KDM4A: variants seen among roughly 807,000 people sequenced by gnomAD.
The protein encoded by KDM4A is lysine demethylase 4A, also known as lysine-specific demethylase 4A.
A neutral mutation model predicts 127.1 loss-of-function variants in KDM4A; 23 were observed. That is an observed-to-expected ratio of 0.18 (90% confidence interval 0.13 to 0.26). The LOEUF is 0.26. Among genes scored for constraint, KDM4A ranks in the 10% least tolerant of loss-of-function variants. KDM4A has a pLI of 1.00. For missense variants in KDM4A, 890 were observed against 1,329.1 expected, an observed-to-expected ratio of 0.67 and a Z score of 5.14; for synonymous variants, 443 against 466.5, an observed-to-expected ratio of 0.95 and a Z score of 0.65.
Position 43,683,690 on chromosome 1 carries a change from G to C in KDM4A, c.1741G>C (p.Asp581His). 6.2e-7 allele frequency: 1 copy of C among 1,613,348 alleles called. No individual in the cohort carries two copies. Among genetic ancestry groups the C allele is most frequent in the Non-Finnish European group, 8.5e-7 (1 of 1,179,706 alleles). The change falls in exon 12 of 22, where the codon GAT becomes CAT. Residue 581 changes from aspartate to histidine, a missense_variant. Asp to His is a moderately conservative substitution (Grantham distance 81). This residue lies in a region of KDM4A where 389 missense variants were observed against 485.9 expected (regional missense o/e 0.80). Transcript: ENST00000372396. ...TTTCTTGTGGTTTGCCCAGGTTGCA[G>C]ATGAATACATGTTTTCCCTAGAAGA... The part of the protein sequence containing the change: ...FSERELAEVA[D>H]EYMFSLEENK...
In KDM4A at chr1:43,693,915, C is replaced by A; in HGVS notation, c.2376-79C>A. 2.6e-6 allele frequency: 3 copies of A among 1,134,882 alleles called. No homozygotes were observed. Among genetic ancestry groups the A allele is most frequent in the Non-Finnish European group, 3.9e-6 (3 of 760,504 alleles). 70.3% of individuals were successfully genotyped at this position (1,134,882 alleles called of 1,614,324 possible). On this transcript the variant is annotated intron_variant, in intron 16 of 21. Transcript: ENST00000372396. This position sits in a 1 kb window ranked among gnomAD's most constrained non-coding sequence, Gnocchi z 4.2. ...GTGGTCACCCAGGTGAGGGAGGAAG[C>A]GCTGTCAGCAGGCCCAAAAGAGAAG...
At chr1:43,662,790 T>C (rs923378911) in intron 4 of KDM4A, 104 bp from the exon 5 acceptor site, 2 of 938,666 alleles carry the variant, frequency 2.1e-6, no homozygotes, top group African/African-American at 3.3e-5. Context: ...TTCCCAATGT[T>C]TGTCAGAGAT....
intron 7 of KDM4A, 105 bp from the exon 8 acceptor site, chr1:43,666,849 A>C: frequency 8.5e-7 from 1 of 1,180,192 alleles, no homozygotes; most frequent in Non-Finnish European, 1.2e-6. Flanking sequence ...CAGGGGTTTT[A>C]TGACTTACCC....
chr1:43,703,025 C>G (rs1436776975), intron 19 of KDM4A, among the ~76,000 whole-genome samples: 1 of 151,710 alleles, frequency 6.6e-6, no homozygotes, highest in Non-Finnish European at 1.5e-5. Flanking sequence ...TCTCTGCAAG[C>G]TCCGCCTCCT....
At chr1:43,663,779 A>G (rs971402958) in intron 5 of KDM4A, among the ~76,000 whole-genome samples, 2 of 151,754 alleles carry the variant, frequency 1.3e-5, no homozygotes, top group African/African-American at 2.4e-5. Context: ...GTGCACCACT[A>G]TGCCCAGCTA....
chr1:43,687,452 A>C (rs925634273), intron 12 of KDM4A, among the ~76,000 whole-genome samples: 1 of 152,166 alleles, frequency 6.6e-6, no homozygotes, highest in Non-Finnish European at 1.5e-5. Context: ...TCAAAGCGAG[A>C]TGCATGGATC....
At position 43,671,574 on chromosome 1, in the gene KDM4A, A is replaced by C. The variant is rs763357725; in HGVS notation, c.1433A>C (p.Glu478Ala). The change falls in exon 11 of 22, where the codon GAG becomes GCG. Residue 478 changes from glutamate to alanine, a missense_variant. By Grantham distance (107) the Glu-to-Ala change is moderately radical (BLOSUM62 -1). Around this residue, in one of 7 missense-constraint regions of KDM4A, gnomAD observed 389 missense variants for 485.9 expected, o/e 0.80. Coordinates refer to ENST00000372396, the MANE Select transcript of KDM4A (RefSeq NM_014663.3). ...KNVKLEEEDE[E>A]EEQAAAALDL... ...GTCAAACTAGAAGAGGAGGATGAGG[A>C]GGAAGAACAAGCAGCAGCTGCCTTG... 1.2e-6 allele frequency: 2 copies of C among 1,607,816 alleles called. No individual in the cohort carries two copies. Among genetic ancestry groups the C allele is most frequent in the South Asian group, 2.2e-5 (2 of 90,034 alleles).
chr1:43,674,727 C>T (rs1178728872), intron 11 of KDM4A, among the ~76,000 whole-genome samples: 1 of 152,008 alleles, frequency 6.6e-6, no homozygotes. Flanking sequence ...ACCATGTTGG[C>T]CAGGCTGGTC....
rs769161965 is a variant in KDM4A, at chr1:43,703,613, T to G, written c.2842-4T>G. 19 of 1,613,724 alleles carry G rather than the reference T, an allele frequency of 1.2e-5. No homozygotes were observed. Among genetic ancestry groups the G allele is most frequent in the Non-Finnish European group, 1.6e-5 (19 of 1,179,884 alleles). ...TTCACCCTCCTTCCTTCCTGTTTCC[T>G]CAGAGCCAGGACTGTCTCCAGTTTG... On this transcript the variant is annotated splice_polypyrimidine_tract_variant and splice_region_variant and intron_variant, in intron 19 of 21. Coordinates refer to ENST00000372396, the MANE Select transcript of KDM4A (RefSeq NM_014663.3).
rs192674268 is a variant in KDM4A at position 43,676,402 on chromosome 1, A to C, written c.1734+4527A>C. On this transcript the variant is annotated intron_variant, in intron 11 of 21. Coordinates refer to ENST00000372396, the MANE Select transcript of KDM4A (RefSeq NM_014663.3). ...AGTGGCATGATCTCGGCTCACTGCA[A>C]CCTCCACCTCCTGGCTTTAAGCAAT... Among the ~76,000 whole-genome samples the C allele has an allele frequency of 3.1e-3, 466 of 151,968 alleles. 4 individuals are homozygous for C. The highest frequency in any genetic ancestry group is 0.011 in the African/African-American group (444 of 41,460).
chr1:43,701,267 A>G (rs957552718), intron 19 of KDM4A, among the ~76,000 whole-genome samples: 1 of 152,158 alleles, frequency 6.6e-6, no homozygotes, highest in Non-Finnish European at 1.5e-5. Context: ...TAATCAAAAA[A>G]CTTGGAATTT....
chr1:43,653,357 G>A, intron 2 of KDM4A, 44 bp downstream of exon 2: 2 of 1,533,778 alleles, frequency 1.3e-6, no homozygotes, highest in Non-Finnish European at 8.8e-7. Context: ...ACCTAGGGCA[G>A]AGCAGTAAGA....
At chr1:43,663,420 A>T (rs1033267248) in intron 5 of KDM4A, among the ~76,000 whole-genome samples, 1 of 152,134 alleles carries the variant, frequency 6.6e-6, no homozygotes, top group African/African-American at 2.4e-5. Flanking sequence ...CCAAGACTAG[A>T]GTCACTCTCT....
At position 43,703,601 on chromosome 1, in the gene KDM4A, C is replaced by T. The variant is rs1325926768; in HGVS notation, c.2842-16C>T. The T allele has an allele frequency of 2.4e-5, 39 of 1,613,280 alleles. No homozygotes were observed. The highest frequency in any genetic ancestry group is 3.1e-5 in the Non-Finnish European group (37 of 1,179,690). On this transcript the variant is annotated splice_polypyrimidine_tract_variant and intron_variant, in intron 19 of 21. Coordinates refer to ENST00000372396, the MANE Select transcript of KDM4A (RefSeq NM_014663.3). ...GTGGACGTTCCTTTCACCCTCCTTCCTTCCTGTTTCCTCAGAGCCAGGACT... is the reference window on the plus strand; with the variant it reads ...GTGGACGTTCCTTTCACCCTCCTTCTTTCCTGTTTCCTCAGAGCCAGGACT...
chr1:43,669,800 C>T (rs1345804217), intron 10 of KDM4A, among the ~76,000 whole-genome samples: 1 of 152,052 alleles, frequency 6.6e-6, no homozygotes, highest in East Asian at 1.9e-4. Context: ...AGGTGCCTGC[C>T]ACCATGCCTG....
In KDM4A at chr1:43,704,549, C is replaced by T. The variant is rs918407771; in HGVS notation, c.*179C>T. 1.9e-5 allele frequency: 13 copies of T among 670,218 alleles called. No individual in the cohort carries two copies. The highest frequency in any genetic ancestry group is 2.7e-5 in the Non-Finnish European group (11 of 410,642). 41.5% of individuals were successfully genotyped at this position (670,218 alleles called of 1,614,324 possible). ...ATTGCATTCCGCTGTAGTGAAAGGA[C>T]GAGCCATTTCTGGGCACGTGGCAGC... is the stretch of plus-strand genomic sequence containing the variant. On this transcript the variant is annotated 3_prime_UTR_variant, in exon 22 of 22. Coordinates refer to ENST00000372396, the MANE Select transcript of KDM4A (RefSeq NM_014663.3).
intron 19 of KDM4A, among the ~76,000 whole-genome samples, chr1:43,700,309 T>A (rs1442518855): frequency 6.6e-6 from 1 of 151,568 alleles, no homozygotes; most frequent in Non-Finnish European, 1.5e-5. Context: ...TTTAATTTTT[T>A]GTAGAGATGG....
At chr1:43,651,002 G>T (rs967337273) in intron 1 of KDM4A, among the ~76,000 whole-genome samples, 3 of 152,156 alleles carry the variant, frequency 2.0e-5, no homozygotes, top group African/African-American at 7.2e-5. Flanking sequence ...TGAGGTGAGG[G>T]TGAGGAAATC....
chr1:43,671,438 C>CCTGA, intron 10 of KDM4A, 67 bp from the exon 11 acceptor site: 1 of 1,480,702 alleles, frequency 6.8e-7, no homozygotes. Context: ...GCTTTGCCCT[C>CCTGA]TGCCTTTCAT....
Sources: allele counts gnomAD v4.1 joint callset (sites outside exome capture counted in the v4.1 genomes callset), GRCh38; gene constraint gnomAD v4.1.1; regional missense constraint gnomAD v4.1.1; non-coding constraint Gnocchi (gnomAD v3.1); transcripts MANE v1.5; gene names NCBI Gene and HGNC (gene_info 2026-07-23, HGNC 2026-07-21).